The following PRKD3 variants were observed in gnomAD, a reference collection of about 807,000 sequenced individuals.
PRKD3 encodes protein kinase D3.
A neutral mutation model predicts 99.2 loss-of-function variants in PRKD3; 47 were observed. The observed-to-expected ratio is 0.47, with a 90% confidence interval of 0.38 to 0.60. The LOEUF (loss-of-function observed/expected upper bound fraction) is 0.60, where lower values mean the gene tolerates loss of function less well. Among genes scored for constraint, PRKD3 ranks in the 20% least tolerant of loss-of-function variants. PRKD3 has a pLI of 0.00. For missense variants in PRKD3, 1,019 were observed against 1,088.4 expected (o/e 0.94, Z 0.90); for synonymous variants, 392 against 355.4 (o/e 1.10, Z -1.16).
chr2:37,274,786 A>G, intron 10 of PRKD3, 89 bp from the exon 11 acceptor site: 1 of 1,243,158 alleles, frequency 8.0e-7, no homozygotes, highest in Middle Eastern at 2.3e-4. Context: ...ATGCATTTCA[A>G]TGAATGCCAT....
At chr2:37,295,398 T>C (rs1361528319) in intron 2 of PRKD3, among the ~76,000 whole-genome samples, 11 of 152,102 alleles carry the variant, frequency 7.2e-5, no homozygotes, top group African/African-American at 2.2e-4. Context: ...AGAGTTTCCA[T>C]AGGTTGAAAG....
chr2:37,285,439 T>C (rs935386475), intron 6 of PRKD3, among the ~76,000 whole-genome samples: 2 of 152,190 alleles, frequency 1.3e-5, no homozygotes, highest in African/African-American at 2.4e-5. Context: ...ATCATAATTT[T>C]AGTAGCTTTT....
At chr2:37,260,589 G>A (rs954546699) in intron 14 of PRKD3, among the ~76,000 whole-genome samples, 16 of 152,048 alleles carry the variant, frequency 1.1e-4, no homozygotes, top group Non-Finnish European at 1.5e-4. Context: ...CGCACTGAGG[G>A]GATAGAATGT....
At chr2:37,273,533 A>C (rs148780304) in intron 11 of PRKD3, among the ~76,000 whole-genome samples, 6 of 152,252 alleles carry the variant, frequency 3.9e-5, no homozygotes, top group African/African-American at 1.4e-4. Flanking sequence ...TTTTTTAAGT[A>C]ATGTATTCCT....
rs762376156 is a variant in PRKD3 at position 37,254,267 on chromosome 2, C to G, written c.2436G>C (p.Leu812=). 1.9e-6 allele frequency: 3 copies of G among 1,613,326 alleles called. No homozygotes were observed. In the South Asian group the frequency reaches 3.3e-5, roughly 18 times the overall value. The change falls in exon 18 of 19, where the codon CTG becomes CTC. Residue 812 remains leucine, a synonymous_variant. Coordinates refer to ENST00000234179, the MANE Select transcript of PRKD3 (RefSeq NM_005813.6). ...SGEAIDLINN[L]LQVKMRKRYS... Reference sequence around the variant, plus strand: ...AACGTTTTCTCATCTTCACTTGAAGCAGATTGTTTATCAGATCAATTGCTA... The same window carrying G: ...AACGTTTTCTCATCTTCACTTGAAGGAGATTGTTTATCAGATCAATTGCTA...
At chr2:37,309,872 G>T (rs889235587) in intron 2 of PRKD3, among the ~76,000 whole-genome samples, 4 of 144,028 alleles carry the variant, frequency 2.8e-5, no homozygotes, top group Admixed American at 2.1e-4. Context: ...AAAAAAGGCA[G>T]CACATTATGC....
chr2:37,293,276 G>A lies in PRKD3; in HGVS notation c.289-5C>T. 12 of 1,585,358 alleles carry A rather than the reference G, an allele frequency of 7.6e-6. No homozygotes were observed. The highest frequency in any genetic ancestry group is 1.3e-5 in the African/African-American group (1 of 74,674). On this transcript the variant is annotated splice_polypyrimidine_tract_variant and splice_region_variant and intron_variant, in intron 2 of 18. Transcript: ENST00000234179. The stretch of plus-strand genomic sequence containing the variant: ...AAAGAATCCACACTCTGGAAACTGA[G>A]GGATAATAGTCCTATATCAGTATGA...
chr2:37,307,040 G>C (rs1671199495), intron 2 of PRKD3, among the ~76,000 whole-genome samples: 1 of 151,960 alleles, frequency 6.6e-6, no homozygotes, highest in African/African-American at 2.4e-5. Flanking sequence ...TAACATTTTG[G>C]GCCAGATAAT....
At chr2:37,305,490 A>G (rs1671119637) in intron 2 of PRKD3, among the ~76,000 whole-genome samples, 1 of 152,230 alleles carries the variant, frequency 6.6e-6, no homozygotes, top group East Asian at 1.9e-4. Flanking sequence ...GGAGCATTAT[A>G]GTGGTATCTT....
At chr2:37,260,462 T>C (rs1028618226) in intron 14 of PRKD3, 78 bp from the exon 15 acceptor site, 1 of 1,298,452 alleles carries the variant, frequency 7.7e-7, no homozygotes, top group African/African-American at 1.5e-5. Flanking sequence ...GCTATGATTG[T>C]CTGAAATGGC....
At chr2:37,267,167 C>CA (rs1668901234) in intron 14 of PRKD3, among the ~76,000 whole-genome samples, 1 of 152,140 alleles carries the variant, frequency 6.6e-6, no homozygotes, top group African/African-American at 2.4e-5. Context: ...CAGCAACCTT[C>CA]TGACAAAATG....
chr2:37,278,260 A>C (rs764846121), intron 8 of PRKD3: 5 of 216,416 alleles, frequency 2.3e-5, no homozygotes, highest in Non-Finnish European at 3.7e-5. Flanking sequence ...CGGAATAGAA[A>C]GTACCCTCCC....
At chr2:37,293,097 G>C in intron 3 of PRKD3, 36 bp downstream of exon 3, 2 of 1,515,194 alleles carry the variant, frequency 1.3e-6, no homozygotes, top group Non-Finnish European at 1.8e-6. Context: ...CTCTTTGAGG[G>C]GAAAAGGCAA....
Position 37,256,937 on chromosome 2 carries a change from T to A in PRKD3, c.2146-8A>T, listed in dbSNP as rs761682928. The A allele has an allele frequency of 1.9e-6, 3 of 1,613,786 alleles. No homozygotes were observed. Among genetic ancestry groups the A allele is most frequent in the East Asian group, 4.5e-5 (2 of 44,860 alleles). ...AAAGTCACACAGCTTCACCTGGAAA[T>A]TGAAGGATGATGTTAATTTTGTATT... On this transcript the variant is annotated splice_polypyrimidine_tract_variant and splice_region_variant and intron_variant, in intron 16 of 18. Coordinates refer to ENST00000234179, the MANE Select transcript of PRKD3 (RefSeq NM_005813.6).
chr2:37,321,624 C>T (rs1166704697), intron 1 of PRKD3, among the ~76,000 whole-genome samples: 1 of 152,088 alleles, frequency 6.6e-6, no homozygotes, highest in Non-Finnish European at 1.5e-5. Flanking sequence ...GAGCAGTGAC[C>T]GAAACAGACA....
At chr2:37,323,281 A>G (rs1376635608) in intron 1 of PRKD3, among the ~76,000 whole-genome samples, 1 of 151,078 alleles carries the variant, frequency 6.6e-6, no homozygotes, top group Non-Finnish European at 1.5e-5. Context: ...GTGAAACGCT[A>G]TATACTAAAT....
At chr2:37,311,277 C>T (rs1671414215) in intron 2 of PRKD3, among the ~76,000 whole-genome samples, 1 of 152,166 alleles carries the variant, frequency 6.6e-6, no homozygotes, top group Non-Finnish European at 1.5e-5. Flanking sequence ...AACAAGGTGA[C>T]AGCTCTCCTT....
chr2:37,289,724 G>A (rs1478441335), intron 4 of PRKD3, among the ~76,000 whole-genome samples: 1 of 152,156 alleles, frequency 6.6e-6, no homozygotes, highest in Non-Finnish European at 1.5e-5. Flanking sequence ...TAGGGCAGTG[G>A]TTCTTGAAGT....
chr2:37,271,486 T>C (rs191803193), intron 12 of PRKD3, among the ~76,000 whole-genome samples: 2 of 152,296 alleles, frequency 1.3e-5, no homozygotes, highest in African/African-American at 2.4e-5. Flanking sequence ...AGCTGCATAG[T>C]TGTATATGGT....
Sources: allele counts gnomAD v4.1 joint callset (sites outside exome capture counted in the v4.1 genomes callset), GRCh38; gene constraint gnomAD v4.1.1; transcripts MANE v1.5; gene names NCBI Gene and HGNC (gene_info 2026-07-23, HGNC 2026-07-21).